Variants in TENM2 observed in about 807,000 individuals in gnomAD.
The protein encoded by TENM2 is teneurin-2.
In TENM2, 52 loss-of-function variants were observed where a neutral mutation model predicts 245.2. That is an observed-to-expected ratio of 0.21 (90% CI 0.17 to 0.27). TENM2 has a LOEUF of 0.27. Among genes scored for constraint, TENM2 ranks in the 10% least tolerant of loss-of-function variants. The pLI, the probability that TENM2 is intolerant of heterozygous loss-of-function variation, is 1.00. For synonymous variants in TENM2, 1,363 were observed against 1,438.9 expected, an observed-to-expected ratio of 0.95 and a Z score of 1.19; for missense variants, 3,046 against 3,666.8, an observed-to-expected ratio of 0.83 and a Z score of 4.37.
At chr5:167,569,194 T>C (rs893074152) in intron 2 of TENM2, among the ~76,000 whole-genome samples, 1 of 151,322 alleles carries the variant, frequency 6.6e-6, no homozygotes, top group African/African-American at 2.4e-5. Context: ...TTTTGTATAA[T>C]TTTGATGATT....
At chr5:167,525,354 G>T (rs1771040935) in intron 2 of TENM2, among the ~76,000 whole-genome samples, 2 of 152,126 alleles carry the variant, frequency 1.3e-5, no homozygotes, top group Non-Finnish European at 2.9e-5. Flanking sequence ...TGAAAGGTCA[G>T]ATTCTCTTTA....
chr5:167,008,447 A>G, the TENM2 span, among the ~76,000 whole-genome samples: 2 of 152,188 alleles, frequency 1.3e-5, no homozygotes, highest in African/African-American at 2.4e-5. Flanking sequence ...TGAGATTACC[A>G]GTCTTTCAAT....
the TENM2 span, among the ~76,000 whole-genome samples, chr5:167,178,046 G>C: frequency 6.6e-6 from 1 of 152,278 alleles, no homozygotes; most frequent in African/African-American, 2.4e-5. Context: ...TATTCTTACA[G>C]TGACAAATGA....
At chr5:167,770,589 TG>T (rs1319131080) in intron 2 of TENM2, among the ~76,000 whole-genome samples, 64 of 152,346 alleles carry the variant, frequency 4.2e-4, no homozygotes, top group African/African-American at 1.4e-3. Flanking sequence ...AACCAGAACT[TG>T]CTCTTGTAAC....
intron 2 of TENM2, among the ~76,000 whole-genome samples, chr5:167,826,106 T>C (rs1449460198): frequency 6.6e-6 from 1 of 152,148 alleles, no homozygotes; most frequent in Non-Finnish European, 1.5e-5. Context: ...ACAAACAAAC[T>C]AGCAAACAAA....
At chr5:168,150,139 T>A (rs1006075524) in intron 12 of TENM2, among the ~76,000 whole-genome samples, 3 of 152,200 alleles carry the variant, frequency 2.0e-5, no homozygotes, top group Admixed American at 6.5e-5. Context: ...CACTGTAGAA[T>A]GTGAGATCTT....
At chr5:167,362,226 C>T (rs1038624939) in intron 1 of TENM2, among the ~76,000 whole-genome samples, 4 of 152,198 alleles carry the variant, frequency 2.6e-5, no homozygotes, top group Non-Finnish European at 4.4e-5. Context: ...GATGCTAACA[C>T]GCACTAGGAA....
intron 2 of TENM2, among the ~76,000 whole-genome samples, chr5:167,498,816 A>G (rs945603434): frequency 6.6e-6 from 1 of 151,948 alleles, no homozygotes; most frequent in Admixed American, 6.6e-5. Flanking sequence ...CCTCTTTTTT[A>G]TTTCAGGAGA....
chr5:167,298,940 C>T (rs1471763364), intron 1 of TENM2, among the ~76,000 whole-genome samples: 1 of 152,108 alleles, frequency 6.6e-6, no homozygotes, highest in African/African-American at 2.4e-5. Context: ...TTTTTGGGGG[C>T]ACAGTCCGAG....
At chr5:167,894,038 A>C (rs1774976162) in intron 3 of TENM2, among the ~76,000 whole-genome samples, 1 of 152,200 alleles carries the variant, frequency 6.6e-6, no homozygotes, top group African/African-American at 2.4e-5. Context: ...CGGCAGCATA[A>C]TCATTTATGC....
At chr5:167,244,702 G>A in the TENM2 span, among the ~76,000 whole-genome samples, 2 of 152,106 alleles carry the variant, frequency 1.3e-5, no homozygotes, top group Non-Finnish European at 2.9e-5. Flanking sequence ...CTGTACCTCC[G>A]AGGGATAGGT....
At chr5:167,663,177 AGAG>A (rs1755343384) in intron 2 of TENM2, among the ~76,000 whole-genome samples, 1 of 148,696 alleles carries the variant, frequency 6.7e-6, no homozygotes, top group Non-Finnish European at 1.5e-5. Context: ...AGAGAGAGAG[AGAG>A]AGAGAGAAAG....
At chr5:167,020,794 T>C in the TENM2 span, among the ~76,000 whole-genome samples, 3 of 152,134 alleles carry the variant, frequency 2.0e-5, no homozygotes, top group East Asian at 1.9e-4. Context: ...GCCTTATTAA[T>C]TGCAAAAAGA....
At chr5:167,955,033 G>C (rs1780440557) in intron 4 of TENM2, among the ~76,000 whole-genome samples, 1 of 152,114 alleles carries the variant, frequency 6.6e-6, no homozygotes, top group Non-Finnish European at 1.5e-5. Context: ...GATCCTTGAG[G>C]AATCACCACA....
rs139225873 is a variant in TENM2 at position 167,845,503 on chromosome 5, T to A, written c.503-30483T>A. Among the ~76,000 whole-genome samples, 4 of 152,336 alleles carry A rather than the reference T, an allele frequency of 2.6e-5. No homozygotes were observed. In the East Asian group the frequency reaches 7.7e-4, roughly 29 times the overall value. On this transcript the variant is annotated intron_variant, in intron 2 of 28. Coordinates refer to ENST00000518659, the Ensembl canonical transcript of TENM2. ...GATCCAGACTCAAAAATATTCATGATTTCCATATTACTTTGTACAGACCCC... is the reference window on the plus strand; with the variant it reads ...GATCCAGACTCAAAAATATTCATGAATTCCATATTACTTTGTACAGACCCC...
At position 167,849,220 on chromosome 5, in the gene TENM2, A is replaced by G. The variant is rs567508606; in HGVS notation, c.503-26766A>G. ...GTCCAACATCTGCTTCTGTGGTCATATCTCCTAGACCGCTAACCCTCCTGC... is the reference window on the plus strand; with the variant it reads ...GTCCAACATCTGCTTCTGTGGTCATGTCTCCTAGACCGCTAACCCTCCTGC... On this transcript the variant is annotated intron_variant, in intron 2 of 28. Coordinates refer to ENST00000518659, the Ensembl canonical transcript of TENM2. 3.9e-5 allele frequency among the ~76,000 whole-genome samples: 6 copies of G among 152,114 alleles called. No homozygotes were observed. In the South Asian group the frequency reaches 1.2e-3, roughly 32 times the overall value.
chr5:167,024,391 G>T, the TENM2 span, among the ~76,000 whole-genome samples: 1 of 152,192 alleles, frequency 6.6e-6, no homozygotes, highest in South Asian at 2.1e-4. Context: ...GTGAGCAACA[G>T]AGACAAATCC....
At chr5:168,219,120 T>C (rs1447173889) in intron 23 of TENM2, 121 bp downstream of exon 25, 2 of 984,058 alleles carry the variant, frequency 2.0e-6, no homozygotes, top group African/African-American at 3.3e-5. Flanking sequence ...ACTTTAATGA[T>C]GTCTTATGGC....
intron 21 of TENM2, 124 bp from the exon 24 acceptor site, chr5:168,216,644 C>T (rs1374358722): frequency 8.2e-6 from 7 of 850,920 alleles, no homozygotes; most frequent in Non-Finnish European, 1.3e-5. Flanking sequence ...TCTGAGGGTA[C>T]TAATCAATTC....
Sources: gnomAD v4.1 joint callset for allele counts (sites outside exome capture counted in the v4.1 genomes callset) on GRCh38, gnomAD v4.1.1 for gene constraint, MANE v1.5 for transcripts, NCBI Gene and HGNC (gene_info 2026-07-23, HGNC 2026-07-21) for gene names.